CPNE5: variants seen among roughly 807,000 people sequenced by gnomAD.
The protein encoded by CPNE5 is copine 5.
In CPNE5, 42 loss-of-function variants were observed where a neutral mutation model predicts 81.1. The observed-to-expected ratio is 0.52, with a 90% CI of 0.40 to 0.67. The LOEUF (loss-of-function observed/expected upper bound fraction) is 0.67. Ranked by LOEUF, CPNE5 falls within the 30% of genes least tolerant of loss-of-function variation. CPNE5 has a pLI of 0.00. For missense variants in CPNE5, 612 were observed against 815.5 expected (o/e 0.75, Z 3.04); for synonymous variants, 313 against 321.5 (o/e 0.97, Z 0.28).
intron 3 of CPNE5, among the ~76,000 whole-genome samples, chr6:36,808,145 C>G (rs1323433505): frequency 1.3e-5 from 2 of 151,598 alleles, no homozygotes; most frequent in African/African-American, 4.9e-5. Context: ...GGCTGGAGTG[C>G]AGTGGCGCGA....
rs773187928 is a variant in CPNE5 at position 36,745,441 on chromosome 6, A to T, written c.1275T>A (p.Thr425=). Residue 425 remains threonine, a synonymous_variant, in exon 17 of 21, where the codon ACT becomes ACA. Coordinates refer to ENST00000244751, the MANE Select transcript of CPNE5 (RefSeq NM_020939.2). Reference sequence around the variant, plus strand: ...AGTTGGTGGGGCCGTACAGCTGCACAGTGCGCAGGCTGCGGTGGTAGGCCT... The same window carrying T: ...AGTTGGTGGGGCCGTACAGCTGCACTGTGCGCAGGCTGCGGTGGTAGGCCT... ...ILEAYHRSLR[T]VQLYGPTNFA... is the part of the protein sequence containing the mutation. 6.2e-7 allele frequency: 1 copy of T among 1,606,270 alleles called. No homozygotes were observed. The highest frequency in any genetic ancestry group is 1.3e-5 in the African/African-American group (1 of 75,022).
chr6:36,764,833 G>A (rs750056761), intron 11 of CPNE5, among the ~76,000 whole-genome samples: 1 of 152,170 alleles, frequency 6.6e-6, no homozygotes, highest in African/African-American at 2.4e-5. Flanking sequence ...CTGATGAGCC[G>A]AGGGCTGTAC....
intron 19 of CPNE5, 80 bp downstream of exon 19, chr6:36,744,188 C>T (rs1763857654): frequency 8.5e-7 from 1 of 1,178,812 alleles, no homozygotes; most frequent in Non-Finnish European, 1.2e-6. Flanking sequence ...GGGACCACAG[C>T]CTCTGGGGAA....
intron 9 of CPNE5, among the ~76,000 whole-genome samples, chr6:36,776,395 T>G (rs996601345): frequency 1.3e-5 from 2 of 152,152 alleles, no homozygotes. Flanking sequence ...AGTGTGGAGA[T>G]GCATGTGGGA....
At chr6:36,824,637 C>T (rs236372) in intron 1 of CPNE5, among the ~76,000 whole-genome samples, 18,284 of 152,202 alleles carry the variant, frequency 0.12, 2,211 homozygotes, top group African/African-American at 0.31. Flanking sequence ...TGTTGCTTCC[C>T]GAAAGCCAAC....
intron 11 of CPNE5, among the ~76,000 whole-genome samples, chr6:36,763,778 A>C (rs778567696): frequency 7.9e-5 from 12 of 152,244 alleles, no homozygotes; most frequent in Non-Finnish European, 8.8e-5. Flanking sequence ...AAGCAAATAT[A>C]ACAAATGTTA....
chr6:36,822,107 C>A lies in CPNE5; in HGVS notation c.183+7G>T. ...GTGTTTCTGGTGTGGGAAGGAGCTG[C>A]ACCTACCTCCCGCCACTGCTTGTTC... On this transcript the variant is annotated splice_region_variant and intron_variant, in intron 3 of 20. Transcript: ENST00000244751. The A allele has an allele frequency of 6.5e-7, 1 of 1,536,020 alleles. No homozygotes were observed. Among genetic ancestry groups the A allele is most frequent in the East Asian group, 2.4e-5 (1 of 41,174 alleles).
intron 3 of CPNE5, among the ~76,000 whole-genome samples, chr6:36,803,805 CA>C (rs1233395626): frequency 1.3e-5 from 2 of 152,164 alleles, no homozygotes; most frequent in African/African-American, 4.8e-5. Context: ...TATGCTTTAA[CA>C]GGTGTTTTTT....
At chr6:36,820,604 G>C (rs1299963336) in intron 3 of CPNE5, among the ~76,000 whole-genome samples, 1 of 152,114 alleles carries the variant, frequency 6.6e-6, no homozygotes, top group Non-Finnish European at 1.5e-5. Context: ...GAATAAAGCA[G>C]ATGAAAATCT....
At chr6:36,825,780 G>A (rs1035895096) in intron 1 of CPNE5, among the ~76,000 whole-genome samples, 2 of 152,180 alleles carry the variant, frequency 1.3e-5, no homozygotes, top group Non-Finnish European at 2.9e-5. Context: ...TTAAACAAAG[G>A]ACAAATGCCT....
At position 36,794,715 on chromosome 6, in the gene CPNE5, G is replaced by A. The variant is rs556857821; in HGVS notation, c.405-66C>T. ...AGTACCCCCACCCAGACAGGCCAGC[G>A]CACTTGGCATCCAGATGCTTGGAGA... On this transcript the variant is annotated intron_variant, in intron 6 of 20. Coordinates refer to ENST00000244751, the MANE Select transcript of CPNE5 (RefSeq NM_020939.2). The A allele has an allele frequency of 1.7e-5, 25 of 1,432,208 alleles. No homozygotes were observed. In the Admixed American group the frequency reaches 2.1e-4, roughly 12 times the overall value. The allele number at this position is 1,432,208 out of a possible 1,614,324, so 88.7% of individuals were successfully genotyped here.
At chr6:36,796,067 G>C (rs1193073633) in intron 6 of CPNE5, among the ~76,000 whole-genome samples, 1 of 152,162 alleles carries the variant, frequency 6.6e-6, no homozygotes, top group Non-Finnish European at 1.5e-5. Flanking sequence ...TCCTGCCTCA[G>C]CCTCCCTAGT....
chr6:36,792,770 T>TCC (rs926736017), intron 7 of CPNE5, among the ~76,000 whole-genome samples: 7 of 152,066 alleles, frequency 4.6e-5, no homozygotes, highest in Non-Finnish European at 2.9e-5. Context: ...CGGCTGGGGC[T>TCC]CCACTCAGGG....
intron 6 of CPNE5, among the ~76,000 whole-genome samples, chr6:36,796,414 T>G (rs1271053047): frequency 6.6e-6 from 1 of 152,188 alleles, no homozygotes; most frequent in Non-Finnish European, 1.5e-5. Context: ...CTAGTGGCTT[T>G]GGACCCAGGC....
chr6:36,744,258 C>T lies in CPNE5; in HGVS notation c.1489+10G>A, dbSNP rs778645097. The T allele has an allele frequency of 1.3e-6, 2 of 1,573,062 alleles. No individual in the cohort carries two copies. Among genetic ancestry groups the T allele is most frequent in the East Asian group, 2.3e-5 (1 of 43,494 alleles). On this transcript the variant is annotated intron_variant, in intron 19 of 20. Coordinates refer to ENST00000244751, the MANE Select transcript of CPNE5 (RefSeq NM_020939.2). ...GAAGGAAAGGAGGGGAAGGCAGCAG[C>T]TGGACTCACCGTCGAACTCTGCCTG...
chr6:36,797,276 C>A (rs1338341927), intron 6 of CPNE5, among the ~76,000 whole-genome samples: 5 of 152,264 alleles, frequency 3.3e-5, no homozygotes, highest in Non-Finnish European at 7.3e-5. Flanking sequence ...CTGATGATCT[C>A]CCTTTCCCGG....
intron 3 of CPNE5, among the ~76,000 whole-genome samples, chr6:36,804,970 A>T (rs1191874852): frequency 1.3e-5 from 2 of 152,168 alleles, no homozygotes; most frequent in African/African-American, 4.8e-5. Context: ...GGACTTACTG[A>T]AGATGTTTTA....
intron 1 of CPNE5, among the ~76,000 whole-genome samples, chr6:36,830,989 G>C (rs936243859): frequency 6.6e-6 from 1 of 152,090 alleles, no homozygotes; most frequent in African/African-American, 2.4e-5. Flanking sequence ...TTCCATGCCT[G>C]CCTCTCTCTA....
intron 3 of CPNE5, among the ~76,000 whole-genome samples, chr6:36,807,683 T>G (rs768247223): frequency 6.6e-6 from 1 of 152,184 alleles, no homozygotes; most frequent in Non-Finnish European, 1.5e-5. Flanking sequence ...CCGAAAGCCC[T>G]AGCTCTCAGT....
Sources: allele counts gnomAD v4.1 joint callset (sites outside exome capture counted in the v4.1 genomes callset), GRCh38; gene constraint gnomAD v4.1.1; transcripts MANE v1.5; gene names NCBI Gene and HGNC (gene_info 2026-07-23, HGNC 2026-07-21).